The following ABCA1 variants were observed in gnomAD, a reference collection of about 807,000 sequenced individuals.
The protein encoded by ABCA1 is phospholipid-transporting ATPase ABCA1.
In ABCA1, 133 loss-of-function variants were observed where a neutral mutation model predicts 262.5. The ratio of observed to expected loss-of-function variants is 0.51; its 90% CI spans 0.44 to 0.59. The LOEUF is 0.59. Ranked by LOEUF, ABCA1 falls within the 20% of genes least tolerant of loss-of-function variation. The probability of loss-of-function intolerance (pLI) is 0.00; values close to 1 mark genes in which losing one functional copy is unlikely to be tolerated. For missense variants in ABCA1, 2,452 were observed against 2,777.5 expected, an observed-to-expected ratio of 0.88 and a Z score of 2.63; for synonymous variants, 1,022 against 1,043.5, an observed-to-expected ratio of 0.98 and a Z score of 0.40.
At chr9:104,868,933 C>T (rs903802943) in intron 5 of ABCA1, among the ~76,000 whole-genome samples, 5 of 151,510 alleles carry the variant, frequency 3.3e-5, no homozygotes, top group African/African-American at 7.3e-5. Context: ...CTTTCCAGGC[C>T]ATTCAGTGTT....
intron 2 of ABCA1, chr9:104,889,404 T>G (rs1208448653): frequency 1.0e-6 from 1 of 982,230 alleles, no homozygotes; most frequent in Non-Finnish European, 1.2e-6. Context: ...TTCCCTTAGG[T>G]AAGGGAAGAT....
At chr9:104,873,498 C>G (rs908286743) in intron 5 of ABCA1, among the ~76,000 whole-genome samples, 4 of 152,180 alleles carry the variant, frequency 2.6e-5, no homozygotes, top group African/African-American at 4.8e-5. Context: ...CTTTCTCATC[C>G]CAGCCAGCCC....
chr9:104,840,193 C>T, intron 9 of ABCA1, 86 bp downstream of exon 9: 1 of 1,608,426 alleles, frequency 6.2e-7, no homozygotes, highest in Middle Eastern at 2.0e-4. Flanking sequence ...AACGCTGCTA[C>T]AGAGGGAGGA....
rs1449575571 is a variant in ABCA1 at position 104,862,654 on chromosome 9, C to CGGGCAGGGCAGGGCA, written c.422-855_422-854insTGCCCTGCCCTGCCC. ...ACTGCCGGGCCGGGCCGGGCCGGGC[C>CGGGCAGGGCAGGGCA]GGGCCGGGCCGGGCCGGGCCGGGCC... On this transcript the variant is annotated intron_variant, in intron 5 of 49. Coordinates refer to ENST00000374736, the MANE Select transcript of ABCA1 (RefSeq NM_005502.4). Among the ~76,000 whole-genome samples the CGGGCAGGGCAGGGCA allele has an allele frequency of 3.1e-3, 23 of 7,514 alleles. 3 individuals carry two copies. The highest frequency in any genetic ancestry group is 0.015 in the African/African-American group (23 of 1,512). 4.9% of individuals were successfully genotyped at this position (7,514 alleles called of 152,430 possible). A position where few individuals can be genotyped will look rare whatever the true frequency, so the allele number is the denominator to read the frequency against.
Position 104,822,589 on chromosome 9 carries a change from A to G in ABCA1, c.2735T>C (p.Met912Thr). 6.2e-7 allele frequency: 1 copy of G among 1,613,680 alleles called. No individual in the cohort carries two copies. Among genetic ancestry groups the G allele is most frequent in the Admixed American group, 1.7e-5 (1 of 59,972 alleles). Residue 912 changes from methionine to threonine, a missense_variant, in exon 19 of 50, where the codon ATG becomes ACG. Physicochemically the swap from Met to Thr is moderately conservative, Grantham distance 81. Coordinates refer to ENST00000374736, the MANE Select transcript of ABCA1 (RefSeq NM_005502.4). ...QNLVKVYRDG[M>T]KVAVDGLALN... ...TGCCAGGCCATCGACAGCCACCTTC[A>G]TCCCATCTCGGTAGACTTTTACCAG... is the stretch of plus-strand genomic sequence containing the variant.
intron 1 of ABCA1, among the ~76,000 whole-genome samples, chr9:104,913,956 C>A (rs572624740): frequency 1.0e-3 from 153 of 151,432 alleles, no homozygotes; most frequent in African/African-American, 3.5e-3. Flanking sequence ...CCTGCCAACA[C>A]GCCCGGCTAA....
In ABCA1 at chr9:104,827,286, C is replaced by T. The variant is rs7024300; in HGVS notation, c.2116-117G>A. On this transcript the variant is annotated intron_variant, in intron 15 of 49. Transcript: ENST00000374736. ...ACTCATGTTAGAGACAATGCAGAGG[C>T]GTAATGCTGTTCATCTTTCTGATGA... is the stretch of plus-strand genomic sequence containing the variant. The T allele has an allele frequency of 0.044, 37,996 of 855,068 alleles. 1,331 individuals carry two copies. The highest frequency in any genetic ancestry group is 0.13 in the Admixed American group (6,376 of 50,098). The allele number at this position is 855,068 out of a possible 1,614,324, so 53.0% of individuals were successfully genotyped here.
chr9:104,897,103 T>C (rs1018147933), intron 2 of ABCA1, among the ~76,000 whole-genome samples: 2 of 152,140 alleles, frequency 1.3e-5, no homozygotes, highest in Admixed American at 6.6e-5. Flanking sequence ...AAATAATCAC[T>C]GGGATGACAT....
At chr9:104,890,654 G>A (rs1265416047) in intron 2 of ABCA1, among the ~76,000 whole-genome samples, 1 of 151,092 alleles carries the variant, frequency 6.6e-6, no homozygotes, top group Non-Finnish European at 1.5e-5. Context: ...CAGGCGGTAC[G>A]ATCCGGAGAT....
At chr9:104,810,348 A>C (rs1254120628) in intron 29 of ABCA1, among the ~76,000 whole-genome samples, 1 of 152,054 alleles carries the variant, frequency 6.6e-6, no homozygotes, top group African/African-American at 2.4e-5. Context: ...TAAAGAACAA[A>C]CACTACCTAA....
At chr9:104,855,626 C>A in intron 7 of ABCA1, 1 of 1,442,262 alleles carries the variant, frequency 6.9e-7, no homozygotes, top group Non-Finnish European at 9.1e-7. Context: ...CCAGGCTCTT[C>A]ATATGTGTAA....
At chr9:104,836,907 C>G (rs776382365) in intron 11 of ABCA1, 73 bp downstream of exon 11, 1 of 1,211,632 alleles carries the variant, frequency 8.3e-7, no homozygotes, top group Non-Finnish European at 1.2e-6. Context: ...CTCACTCACA[C>G]CTGGGAAAGT....
Position 104,922,863 on chromosome 9 carries a change from CCCA to C in ABCA1, c.-93+5069_-93+5071del, listed in dbSNP as rs547071485. 7.2e-5 allele frequency among the ~76,000 whole-genome samples: 11 copies of C among 152,194 alleles called. No individual in the cohort carries two copies. In the East Asian group the frequency reaches 2.1e-3, roughly 29 times the overall value. On this transcript the variant is annotated intron_variant, in intron 1 of 49. Coordinates refer to ENST00000374736, the MANE Select transcript of ABCA1 (RefSeq NM_005502.4). The stretch of plus-strand genomic sequence containing the variant: ...ATCCCAGTAGCTGGGATTACAAGCA[CCCA>C]CCACCACGCCCAGCTAATTTTTGTA...
intron 29 of ABCA1, among the ~76,000 whole-genome samples, chr9:104,809,872 A>ATCT (rs1831117972): frequency 6.6e-6 from 1 of 151,990 alleles, no homozygotes; most frequent in Non-Finnish European, 1.5e-5. Context: ...TTTGAAGAAA[A>ATCT]TCAACTCATT....
intron 32 of ABCA1, 147 bp from the exon 33 acceptor site, chr9:104,803,463 A>C: frequency 1.2e-6 from 1 of 814,788 alleles, no homozygotes; most frequent in Non-Finnish European, 2.1e-6. Context: ...GTTGTGCTAG[A>C]GAAAAGAAGC....
At chr9:104,808,896 G>T (rs534178753) in intron 30 of ABCA1, among the ~76,000 whole-genome samples, 60 of 152,118 alleles carry the variant, frequency 3.9e-4, no homozygotes, top group African/African-American at 1.3e-3. Flanking sequence ...ACAGTGATCT[G>T]GTGACCTCCC....
intron 46 of ABCA1, 149 bp from the exon 47 acceptor site, chr9:104,787,125 C>G (rs1588191544): frequency 1.6e-6 from 1 of 641,990 alleles, no homozygotes; most frequent in Non-Finnish European, 2.6e-6. Flanking sequence ...ATTAGAGTAA[C>G]TTTCAAATTC....
At chr9:104,881,221 T>C (rs1458386588) in intron 5 of ABCA1, among the ~76,000 whole-genome samples, 2 of 152,140 alleles carry the variant, frequency 1.3e-5, no homozygotes, top group Non-Finnish European at 2.9e-5. Flanking sequence ...GATCAGAAAG[T>C]CTGCTTGACA....
intron 2 of ABCA1, among the ~76,000 whole-genome samples, chr9:104,889,750 T>G (rs1052903794): frequency 6.6e-6 from 1 of 152,172 alleles, no homozygotes; most frequent in Non-Finnish European, 1.5e-5. Context: ...GCTCCTCTAA[T>G]TGCACACAAA....
Sources: allele counts gnomAD v4.1 joint callset (sites outside exome capture counted in the v4.1 genomes callset), GRCh38; gene constraint gnomAD v4.1.1; transcripts MANE v1.5; gene names NCBI Gene and HGNC (gene_info 2026-07-23, HGNC 2026-07-21).